Variants in ME1 observed in about 807,000 individuals in gnomAD.
ME1 encodes the protein malic enzyme 1, also known as NADP-dependent malic enzyme.
Under a neutral mutation model 66.4 loss-of-function variants are expected in ME1, and 74 were observed. That is an observed-to-expected ratio of 1.11 (90% CI 0.92 to 1.35). ME1 has a LOEUF of 1.35. Ranked by LOEUF, ME1 falls within the 40% of genes most tolerant of loss-of-function variation. The pLI is 0.00. For synonymous variants in ME1, 251 were observed against 235.6 expected (o/e 1.07, Z -0.60); for missense variants, 750 against 694.1 (o/e 1.08, Z -0.90).
At chr6:83,295,651 G>A (rs1380334413) in intron 6 of ME1, among the ~76,000 whole-genome samples, 1 of 152,028 alleles carries the variant, frequency 6.6e-6, no homozygotes, top group African/African-American at 2.4e-5. Flanking sequence ...AAAGCTAGCA[G>A]AAGACAAGAA....
chr6:83,316,550 C>T (rs1768033404), intron 5 of ME1, among the ~76,000 whole-genome samples: 1 of 151,792 alleles, frequency 6.6e-6, no homozygotes, highest in Non-Finnish European at 1.5e-5. Context: ...TTCTACTCTA[C>T]ACTATACTGG....
chr6:83,238,993 A>G lies in ME1; in HGVS notation c.912+546T>C, dbSNP rs1790462256. On this transcript the variant is annotated intron_variant, in intron 8 of 13. Coordinates refer to ENST00000369705, the MANE Select transcript of ME1 (RefSeq NM_002395.6). Reference sequence around the variant, plus strand: ...ATTATTAAATTAAGCAAGTAATAACAAAGCATAATTTGGTTTTGCTGCAGT... The same window carrying G: ...ATTATTAAATTAAGCAAGTAATAACGAAGCATAATTTGGTTTTGCTGCAGT... Among the ~76,000 whole-genome samples, 2 of 151,774 alleles carry G rather than the reference A, an allele frequency of 1.3e-5. 1 individual carries two copies. The highest frequency in any genetic ancestry group is 4.1e-4 in the South Asian group (2 of 4,830).
intron 1 of ME1, among the ~76,000 whole-genome samples, chr6:83,417,275 T>C (rs1770179476): frequency 6.6e-6 from 1 of 152,132 alleles, no homozygotes; most frequent in South Asian, 2.1e-4. Flanking sequence ...CAAATTCCTG[T>C]CCTTTGTCCT....
intron 6 of ME1, among the ~76,000 whole-genome samples, chr6:83,258,858 C>A (rs1389612655): frequency 6.6e-6 from 1 of 152,076 alleles, no homozygotes; most frequent in Non-Finnish European, 1.5e-5. Flanking sequence ...CACAGAGCAC[C>A]AACAGAGTTA....
chr6:83,398,584 TTAAA>T (rs1284923669), intron 2 of ME1, 68 bp from the exon 3 acceptor site: 22 of 794,160 alleles, frequency 2.8e-5, no homozygotes, highest in Non-Finnish European at 3.8e-5. Context: ...AGAAATCTAA[TTAAA>T]TATTTTCAAC....
chr6:83,427,076 C>T (rs1055477201), intron 1 of ME1, among the ~76,000 whole-genome samples: 6 of 152,004 alleles, frequency 3.9e-5, no homozygotes, highest in African/African-American at 1.4e-4. Context: ...GACCATATCC[C>T]TGAAAATAAA....
At chr6:83,384,550 C>A (rs1007019300) in intron 3 of ME1, among the ~76,000 whole-genome samples, 2 of 151,784 alleles carry the variant, frequency 1.3e-5, no homozygotes, top group Admixed American at 1.3e-4. Context: ...GATATTAGAG[C>A]TTTGTCAGAT....
intron 6 of ME1, among the ~76,000 whole-genome samples, chr6:83,258,060 A>T (rs1185371858): frequency 6.6e-6 from 1 of 152,202 alleles, no homozygotes. Context: ...CTCTGTGGTT[A>T]AAATGAAATC....
chr6:83,430,877 C>T lies in ME1; in HGVS notation c.78G>A (p.Lys26=). The T allele has an allele frequency of 1.2e-6, 2 of 1,600,372 alleles. No homozygotes were observed. Among genetic ancestry groups the T allele is most frequent in the Non-Finnish European group, 1.7e-6 (2 of 1,173,784 alleles). The change falls in exon 1 of 14, where the codon AAG becomes AAA. Residue 26 remains lysine, a splice_region_variant and synonymous_variant. Transcript: ENST00000369705. ...CGGCCAGGTGGGCCTGCGGGTTTAC[C>T]TTGTTGAGGTGAGGGTTCCGTGTCA... The part of the protein sequence containing the change: ...YLLTRNPHLN[K]DLAFTLEERQ...
intron 7 of ME1, among the ~76,000 whole-genome samples, chr6:83,246,232 G>T (rs1291849603): frequency 6.6e-6 from 1 of 152,084 alleles, no homozygotes; most frequent in Non-Finnish European, 1.5e-5. Flanking sequence ...AGGTATTTTT[G>T]ATATTATGGC....
chr6:83,366,410 C>T (rs1011746141), intron 3 of ME1, among the ~76,000 whole-genome samples: 1 of 152,068 alleles, frequency 6.6e-6, no homozygotes, highest in Non-Finnish European at 1.5e-5. Flanking sequence ...TTATTTTTCA[C>T]TTTCTTATAT....
chr6:83,409,704 G>T (rs575745984), intron 1 of ME1, among the ~76,000 whole-genome samples: 191 of 152,298 alleles, frequency 1.3e-3, no homozygotes, highest in African/African-American at 4.5e-3. Context: ...CTGCAAGAGC[G>T]GGCTGGGACC....
intron 5 of ME1, among the ~76,000 whole-genome samples, chr6:83,321,746 A>G (rs1768180433): frequency 6.6e-6 from 1 of 152,220 alleles, no homozygotes; most frequent in African/African-American, 2.4e-5. Flanking sequence ...TAAACTTTCC[A>G]GCCTGACAGC....
At chr6:83,288,722 T>C (rs959560241) in intron 6 of ME1, among the ~76,000 whole-genome samples, 1 of 152,206 alleles carries the variant, frequency 6.6e-6, no homozygotes, top group African/African-American at 2.4e-5. Context: ...GGGGATAGCA[T>C]TGAATCTATA....
At chr6:83,264,365 C>A (rs183946838) in intron 6 of ME1, among the ~76,000 whole-genome samples, 1 of 152,098 alleles carries the variant, frequency 6.6e-6, no homozygotes, top group Non-Finnish European at 1.5e-5. Flanking sequence ...TTCATGCCTG[C>A]GAACACAACA....
chr6:83,416,897 A>G (rs1770169732), intron 1 of ME1, among the ~76,000 whole-genome samples: 1 of 151,042 alleles, frequency 6.6e-6, no homozygotes, highest in Non-Finnish European at 1.5e-5. Context: ...TTTGTCTAAA[A>G]AAAAAAAAAA....
At chr6:83,298,642 T>A (rs1397950102) in intron 6 of ME1, among the ~76,000 whole-genome samples, 1 of 152,176 alleles carries the variant, frequency 6.6e-6, no homozygotes, top group South Asian at 2.1e-4. Context: ...TCTTTGTCCA[T>A]GCCTATGTCT....
Position 83,237,809 on chromosome 6 carries a change from G to T in ME1, c.934C>A (p.Leu312Met). 6.2e-7 allele frequency: 1 copy of T among 1,605,290 alleles called. No homozygotes were observed. Reference sequence around the variant, plus strand: ...TCTTTTTCCAAGGCCATCACAATCAGGTGTGCAATCCCTAGGGCAGCCTCA... The same window carrying T: ...TCTTTTTCCAAGGCCATCACAATCATGTGTGCAATCCCTAGGGCAGCCTCA... ...AGEAALGIAH[L>M]IVMALEKEGL... Residue 312 changes from leucine to methionine, a missense_variant, in exon 9 of 14, where the codon CTG (leucine) becomes ATG (methionine). By Grantham distance (15) the Leu-to-Met change is conservative. Coordinates refer to ENST00000369705, the MANE Select transcript of ME1 (RefSeq NM_002395.6).
chr6:83,357,931 C>A (rs1315853402), intron 3 of ME1, among the ~76,000 whole-genome samples: 136 of 51,644 alleles, frequency 2.6e-3, no homozygotes, highest in East Asian at 6.2e-3. Context: ...CTCTCTCTCT[C>A]TCTCTATATA....
Sources: allele counts gnomAD v4.1 joint callset (sites outside exome capture counted in the v4.1 genomes callset), GRCh38; gene constraint gnomAD v4.1.1; transcripts MANE v1.5; gene names NCBI Gene and HGNC (gene_info 2026-07-23, HGNC 2026-07-21).